Variants in ARHGEF10 observed in about 807,000 individuals in gnomAD.
ARHGEF10 encodes the protein Rho guanine nucleotide exchange factor (GEF) 10.
ARHGEF10 carries 140 observed loss-of-function variants against 147.4 expected under a neutral mutation model. That is an observed-to-expected ratio of 0.95 (90% CI 0.83 to 1.09). ARHGEF10 has a LOEUF of 1.09. Ranked by LOEUF, ARHGEF10 falls within the 50% of genes least tolerant of loss-of-function variation. The pLI, the probability that ARHGEF10 is intolerant of heterozygous loss-of-function variation, is 0.00. For missense variants in ARHGEF10, 2,222 were observed against 1,752.7 expected (o/e 1.27, Z -4.78); for synonymous variants, 902 against 695.8 (o/e 1.30, Z -4.67).
chr8:1,888,175 G>GGGGCGAGGGTTGCGAGGAGACACTT (rs1563233718), intron 11 of ARHGEF10, among the ~76,000 whole-genome samples: 2 of 28,856 alleles, frequency 6.9e-5, no homozygotes, highest in African/African-American at 2.3e-4. Flanking sequence ...AGGAGACAGT[G>GGGGCGAGGGTTGCGAGGAGACACTT]AGTGGGGTGA....
chr8:1,909,337 G>A lies in ARHGEF10; in HGVS notation c.2010G>A (p.Leu670=), dbSNP rs749064114. The A allele has an allele frequency of 3.1e-6, 5 of 1,614,244 alleles. No individual in the cohort carries two copies. The South Asian group carries it at 5.5e-5, about 18-fold the overall frequency. The change falls in exon 18 of 29, where the codon TTG becomes TTA. Residue 670 remains leucine, a synonymous_variant. Transcript: ENST00000349830. ...DSRVMSSQRY[L]LKWSVPLGHV... ...GTGTGATGAGCAGCCAGAGGTACTT[G>A]CTGAAGTGGAGCGTTCCACTGGGAC... is the stretch of plus-strand genomic sequence containing the variant.
Position 1,859,803 on chromosome 8 carries a change from G to C in ARHGEF10, c.194-94G>C. On this transcript the variant is annotated intron_variant, in intron 3 of 28. Transcript: ENST00000349830. ...GGGTCCTGGCATGGGATGATGGTGGGAGCTCATACCTGCTTCCCACTTGCG... is the reference window on the plus strand; with the variant it reads ...GGGTCCTGGCATGGGATGATGGTGGCAGCTCATACCTGCTTCCCACTTGCG... 4 of 1,471,404 alleles carry C rather than the reference G, an allele frequency of 2.7e-6. No individual in the cohort carries two copies. The South Asian group carries it at 3.4e-5, about 13-fold the overall frequency. The allele number at this position is 1,471,404 out of a possible 1,614,324, so 91.1% of individuals were successfully genotyped here.
At chr8:1,830,262 T>TCAGGCGGCTCATTTCCCTTGGGGCC (rs1803012853) in intron 1 of ARHGEF10, among the ~76,000 whole-genome samples, 1 of 149,516 alleles carries the variant, frequency 6.7e-6, no homozygotes, top group Non-Finnish European at 1.5e-5. Context: ...CCCGTGGGGC[T>TCAGGCGGCTCATTTCCCTTGGGGCC]CAGGCGGCTC....
chr8:1,887,872 A>G (rs1220595125), intron 11 of ARHGEF10, among the ~76,000 whole-genome samples: 1 of 147,062 alleles, frequency 6.8e-6, no homozygotes, highest in African/African-American at 2.5e-5. Flanking sequence ...GTCTGTGGGG[A>G]GTCACCAAGT....
At position 1,880,093 on chromosome 8, in the gene ARHGEF10, A is replaced by G. The variant is rs567577810; in HGVS notation, c.889A>G (p.Met297Val). Residue 297 changes from methionine (M) to valine (V), a missense_variant, in exon 9 of 29, where the codon ATG becomes GTG. By Grantham distance (21) the Met-to-Val change is conservative. Transcript: ENST00000349830. ...TTTAAAGGAGCACTATGAGAAAAAG[A>G]TGAGAGATTTGATGGCAAGCACGGT... ...TRLKEHYEKK[M>V]RDLMASTVGV... 5.1e-5 allele frequency: 83 copies of G among 1,614,162 alleles called. No individual in the cohort carries two copies. In the South Asian group the frequency reaches 6.5e-4, roughly 13 times the overall value.
chr8:1,909,264 T>C, intron 17 of ARHGEF10, 31 bp from the exon 18 acceptor site: 2 of 1,614,164 alleles, frequency 1.2e-6, no homozygotes, highest in South Asian at 2.2e-5. Flanking sequence ...ATGTAATTAT[T>C]CGTAAAACAA....
intron 18 of ARHGEF10, among the ~76,000 whole-genome samples, chr8:1,909,979 G>A (rs1811239789): frequency 6.6e-6 from 1 of 152,174 alleles, no homozygotes; most frequent in African/African-American, 2.4e-5. Flanking sequence ...AGAGGAGTCA[G>A]AATGCTTTGG....
chr8:1,949,999 G>A (rs1814899331), intron 27 of ARHGEF10, among the ~76,000 whole-genome samples: 1 of 152,150 alleles, frequency 6.6e-6, no homozygotes, highest in Non-Finnish European at 1.5e-5. Context: ...CAGCCTCCAG[G>A]GCGGGAGATG....
At chr8:1,827,268 G>C (rs1246579689) in intron 1 of ARHGEF10, among the ~76,000 whole-genome samples, 1 of 152,142 alleles carries the variant, frequency 6.6e-6, no homozygotes, top group Non-Finnish European at 1.5e-5. Context: ...TTTTGGTTCT[G>C]TTTGTTTGTT....
intron 1 of ARHGEF10, among the ~76,000 whole-genome samples, chr8:1,835,643 G>A (rs554684521): frequency 1.3e-5 from 2 of 152,186 alleles, no homozygotes; most frequent in Non-Finnish European, 2.9e-5. Context: ...TGCTGGATGG[G>A]CTCCCCTGAC....
At chr8:1,848,162 G>T (rs1804700641) in intron 2 of ARHGEF10, among the ~76,000 whole-genome samples, 1 of 152,230 alleles carries the variant, frequency 6.6e-6, no homozygotes, top group Non-Finnish European at 1.5e-5. Flanking sequence ...GTCTTCTTTT[G>T]CATCGTGCAT....
intron 18 of ARHGEF10, among the ~76,000 whole-genome samples, chr8:1,922,345 T>A (rs1460059717): frequency 6.6e-6 from 1 of 151,876 alleles, no homozygotes; most frequent in Non-Finnish European, 1.5e-5. Context: ...ATTGGAAATG[T>A]GGTTCAGATT....
intron 23 of ARHGEF10, 57 bp downstream of exon 23, chr8:1,926,520 C>A: frequency 1.3e-6 from 2 of 1,505,962 alleles, no homozygotes; most frequent in South Asian, 1.1e-5. Context: ...CGTTCATGGT[C>A]GGTGTGATGA....
At chr8:1,844,480 C>G (rs1029620644) in intron 2 of ARHGEF10, among the ~76,000 whole-genome samples, 1 of 18,234 alleles carries the variant, frequency 5.5e-5, no homozygotes, top group Non-Finnish European at 1.7e-4. Flanking sequence ...AGTGGCCACC[C>G]CAGAAACAGC....
chr8:1,884,513 A>G (rs1348588871), intron 10 of ARHGEF10, among the ~76,000 whole-genome samples: 1 of 152,184 alleles, frequency 6.6e-6, no homozygotes, highest in Admixed American at 6.5e-5. Flanking sequence ...AGAATTAACT[A>G]GAAAGCTTTT....
Position 1,861,837 on chromosome 8 carries a change from A to C in ARHGEF10, c.481+1653A>C, listed in dbSNP as rs28654886. Among the ~76,000 whole-genome samples, 1,443 of 152,352 alleles carry C rather than the reference A, an allele frequency of 9.5e-3. 15 individuals carry two copies. Among genetic ancestry groups the C allele is most frequent in the Middle Eastern group, 0.024 (7 of 294 alleles). ...CTGGAAATGAGGGCGTGCAGAGTGT[A>C]GGATTCTTGGCTGAAGGAAAATACG... On this transcript the variant is annotated intron_variant, in intron 4 of 28. Coordinates refer to ENST00000349830, the MANE Select transcript of ARHGEF10 (RefSeq NM_014629.4).
intron 6 of ARHGEF10, 50 bp from the exon 7 acceptor site, chr8:1,869,144 A>G (rs766096147): frequency 1.3e-6 from 2 of 1,520,730 alleles, no homozygotes; most frequent in Non-Finnish European, 1.8e-6. Context: ...TTTAAATTGC[A>G]CTAGGTTTTG....
In ARHGEF10 at chr8:1,945,923, G is replaced by C. The variant is rs554103828; in HGVS notation, c.3397+268G>C. On this transcript the variant is annotated intron_variant, in intron 27 of 28. Coordinates refer to ENST00000349830, the MANE Select transcript of ARHGEF10 (RefSeq NM_014629.4). Reference sequence around the variant, plus strand: ...GCGTGCTGGGAGGAGCCGCGTGGCAGTGCCATCTCTGTAGGTCAGAGTGGG... The same window carrying C: ...GCGTGCTGGGAGGAGCCGCGTGGCACTGCCATCTCTGTAGGTCAGAGTGGG... 6 of 612,412 alleles carry C rather than the reference G, an allele frequency of 9.8e-6. No homozygotes were observed. The East Asian group carries it at 1.4e-4, about 14-fold the overall frequency. 37.9% of individuals were successfully genotyped at this position (612,412 alleles called of 1,614,324 possible).
At chr8:1,865,323 T>A (rs994040364) in intron 5 of ARHGEF10, among the ~76,000 whole-genome samples, 3 of 151,094 alleles carry the variant, frequency 2.0e-5, no homozygotes, top group Admixed American at 2.0e-4. Flanking sequence ...CAGGGGGCCG[T>A]CACCAGGACA....
Sources: gnomAD v4.1 joint callset for allele counts (sites outside exome capture counted in the v4.1 genomes callset) on GRCh38, gnomAD v4.1.1 for gene constraint, MANE v1.5 for transcripts, NCBI Gene and HGNC (gene_info 2026-07-23, HGNC 2026-07-21) for gene names.